The following RNF180 variants were observed in gnomAD, a reference collection of about 807,000 sequenced individuals.
RNF180 encodes ring finger protein 180.
RNF180 carries 38 observed loss-of-function variants against 59.2 expected under a neutral mutation model. The observed-to-expected ratio is 0.64, with a 90% confidence interval of 0.50 to 0.84. The LOEUF is 0.84. RNF180 is among the 40% of genes least tolerant of loss of function. RNF180 has a pLI of 0.00. For synonymous variants in RNF180, 262 were observed against 240.3 expected (o/e 1.09, Z -0.84); for missense variants, 705 against 700.9 (o/e 1.01, Z -0.07).
rs377421270 is a variant in RNF180 at position 64,200,841 on chromosome 5, C to T, written c.34C>T (p.His12Tyr). The change falls in exon 2 of 8, where the codon CAT (histidine) becomes TAT (tyrosine). Residue 12 changes from histidine (H) to tyrosine (Y), a missense_variant. By Grantham distance (83) the His-to-Tyr change is moderately conservative. Coordinates refer to ENST00000389100, the MANE Select transcript of RNF180 (RefSeq NM_001113561.2). ...KRSKELITKN[H>Y]SQEETSILRC... ...AAGCAAAGAATTGATAACTAAAAAT[C>T]ATAGTCAAGAGGAAACAAGTATTCT... 20 of 1,612,004 alleles carry T rather than the reference C, an allele frequency of 1.2e-5. No homozygotes were observed. Among genetic ancestry groups the T allele is most frequent in the Middle Eastern group, 1.7e-4 (1 of 6,052 alleles).
At chr5:64,217,006 T>A (rs1166933007) in intron 4 of RNF180, among the ~76,000 whole-genome samples, 2 of 152,162 alleles carry the variant, frequency 1.3e-5, no homozygotes, top group East Asian at 3.8e-4. Context: ...GCTCATCCCG[T>A]CCCTAATCCC....
chr5:64,224,059 T>TA (rs1741513686), intron 5 of RNF180, among the ~76,000 whole-genome samples: 1 of 127,500 alleles, frequency 7.8e-6, no homozygotes, highest in African/African-American at 3.2e-5. Flanking sequence ...TGATCTAGGT[T>TA]GGGGTGTGTG....
In RNF180 at chr5:64,370,107, T is replaced by G. The variant is rs375963371; in HGVS notation, c.*293T>G. ...TTATAATATCACTTTAATACTTATTTTGATTGTAAAAAACTGAAGTTTTCT... is the reference window on the plus strand; with the variant it reads ...TTATAATATCACTTTAATACTTATTGTGATTGTAAAAAACTGAAGTTTTCT... On this transcript the variant is annotated 3_prime_UTR_variant, in exon 8 of 8. Coordinates refer to ENST00000389100, the MANE Select transcript of RNF180 (RefSeq NM_001113561.2). The G allele has an allele frequency of 2.8e-4, 51 of 184,380 alleles. 1 individual carries two copies. The Middle Eastern group carries it at 0.011, about 39-fold the overall frequency. The allele number at this position is 184,380 out of a possible 1,614,324, so 11.4% of individuals were successfully genotyped here. A position where few individuals can be genotyped will look rare whatever the true frequency, so the allele number is the denominator to read the frequency against.
intron 2 of RNF180, among the ~76,000 whole-genome samples, chr5:64,203,084 T>A (rs915214710): frequency 2.6e-5 from 4 of 152,214 alleles, no homozygotes; most frequent in African/African-American, 9.6e-5. Flanking sequence ...AAAACATATT[T>A]AATGACCTAG....
At chr5:64,236,072 G>C (rs187688955) in intron 5 of RNF180, among the ~76,000 whole-genome samples, 2 of 152,326 alleles carry the variant, frequency 1.3e-5, no homozygotes, top group African/African-American at 4.8e-5. Flanking sequence ...TGGGTAATAG[G>C]CAGAGGTTGG....
At chr5:64,279,744 T>C (rs1741910652) in intron 5 of RNF180, among the ~76,000 whole-genome samples, 1 of 152,166 alleles carries the variant, frequency 6.6e-6, no homozygotes. Flanking sequence ...CATCCTATGA[T>C]GAGTTAATGA....
rs747398962 is a variant in RNF180, at chr5:64,214,336, C to G, written c.1010C>G (p.Ser337Ter). The G allele has an allele frequency of 7.4e-6, 12 of 1,614,056 alleles. No homozygotes were observed. Among genetic ancestry groups the G allele is most frequent in the Non-Finnish European group, 1.0e-5 (12 of 1,179,976 alleles). ...NNLTFLMDLP[S>*]AGRSMPEASD... is the part of the protein sequence containing the mutation. ...CTGACTTTCCTGATGGACCTGCCCT[C>G]AGCTGGCAGGAGCATGCCGGAGGCC... Residue 337 changes from serine (S) to a stop codon, truncating the protein, a stop_gained, in exon 4 of 8, where the codon TCA becomes TGA. Coordinates refer to ENST00000389100, the MANE Select transcript of RNF180 (RefSeq NM_001113561.2). LOFTEE classifies it high-confidence loss of function.
intron 5 of RNF180, among the ~76,000 whole-genome samples, chr5:64,275,383 T>A (rs1015157600): frequency 1.3e-5 from 2 of 148,292 alleles, no homozygotes; most frequent in East Asian, 4.0e-4. Flanking sequence ...TCCACATTAG[T>A]CCATAGTAGA....
At chr5:64,167,105 A>G (rs79970258) in intron 1 of RNF180, among the ~76,000 whole-genome samples, 217 of 152,314 alleles carry the variant, frequency 1.4e-3, no homozygotes, top group Non-Finnish European at 2.5e-3. Flanking sequence ...CGTCTCTTGT[A>G]TAAATGTAGT....
At chr5:64,329,889 C>T (rs573839811) in intron 6 of RNF180, among the ~76,000 whole-genome samples, 5 of 152,218 alleles carry the variant, frequency 3.3e-5, no homozygotes, top group Non-Finnish European at 5.9e-5. Flanking sequence ...TGTGGCTCAC[C>T]TCCTGCTGTG....
chr5:64,293,781 T>A (rs1444160510), intron 5 of RNF180, among the ~76,000 whole-genome samples: 1 of 152,198 alleles, frequency 6.6e-6, no homozygotes, highest in Non-Finnish European at 1.5e-5. Flanking sequence ...AAGCACTGTT[T>A]CTTTTGCCAG....
At chr5:64,250,594 A>T (rs1447347449) in intron 5 of RNF180, among the ~76,000 whole-genome samples, 1 of 152,150 alleles carries the variant, frequency 6.6e-6, no homozygotes, top group Non-Finnish European at 1.5e-5. Flanking sequence ...CAACTGATAA[A>T]ACATACAGAG....
At chr5:64,238,696 CT>C (rs1202636630) in intron 5 of RNF180, among the ~76,000 whole-genome samples, 1 of 152,084 alleles carries the variant, frequency 6.6e-6, no homozygotes, top group Non-Finnish European at 1.5e-5. Flanking sequence ...TTTTTTACTA[CT>C]GAGTTGTAGG....
intron 7 of RNF180, among the ~76,000 whole-genome samples, chr5:64,350,893 C>A (rs1470960306): frequency 2.0e-5 from 3 of 152,086 alleles, no homozygotes; most frequent in African/African-American, 4.8e-5. Flanking sequence ...GCAATGCGGG[C>A]TCTTTTTTGG....
chr5:64,274,481 C>T (rs1741603176), intron 5 of RNF180, among the ~76,000 whole-genome samples: 1 of 151,798 alleles, frequency 6.6e-6, no homozygotes, highest in Non-Finnish European at 1.5e-5. Flanking sequence ...GTGAGTTTAT[C>T]TTTAGTGGGC....
At chr5:64,270,139 G>C (rs1741300879) in intron 5 of RNF180, among the ~76,000 whole-genome samples, 3 of 152,058 alleles carry the variant, frequency 2.0e-5, no homozygotes. Context: ...CATGGAATAA[G>C]TGGGTAAACC....
chr5:64,217,321 G>C, intron 4 of RNF180, 40 bp from the exon 5 acceptor site: 1 of 1,368,158 alleles, frequency 7.3e-7, no homozygotes, highest in South Asian at 2.1e-5. Flanking sequence ...AGACATTCAT[G>C]TGCTTATTTT....
At chr5:64,200,778 C>A (rs1202270363) in intron 1 of RNF180, 30 bp from the exon 2 acceptor site, 1 of 1,594,778 alleles carries the variant, frequency 6.3e-7, no homozygotes, top group Non-Finnish European at 8.6e-7. Context: ...GACAGTTTAA[C>A]ATTCTAAAAA....
At chr5:64,211,097 C>A (rs1752289886) in intron 2 of RNF180, among the ~76,000 whole-genome samples, 1 of 152,078 alleles carries the variant, frequency 6.6e-6, no homozygotes, top group African/African-American at 2.4e-5. Flanking sequence ...TCTTTCAGAG[C>A]AGCTGGCATC....
Sources: allele counts gnomAD v4.1 joint callset (sites outside exome capture counted in the v4.1 genomes callset), GRCh38; gene constraint gnomAD v4.1.1; transcripts MANE v1.5; gene names NCBI Gene and HGNC (gene_info 2026-07-23, HGNC 2026-07-21).